ZFPM1: variants seen among roughly 807,000 people sequenced by gnomAD.
ZFPM1 encodes zinc finger protein ZFPM1.
A neutral mutation model predicts 46.3 loss-of-function variants in ZFPM1; 28 were observed. The ratio of observed to expected loss-of-function variants is 0.60; its 90% CI spans 0.45 to 0.83. The LOEUF is 0.83. Among genes scored for constraint, ZFPM1 ranks in the 40% least tolerant of loss-of-function variants. ZFPM1 has a pLI of 0.00. For missense variants in ZFPM1, 1,878 were observed against 1,432.4 expected (o/e 1.31, Z -5.02); for synonymous variants, 957 against 675.9 (o/e 1.42, Z -6.45).
At chr16:88,516,317 G>A (rs926929682) in intron 4 of ZFPM1, 7 of 397,772 alleles carry the variant, frequency 1.8e-5, no homozygotes, top group East Asian at 3.6e-5. Context: ...CTCCCTGTCC[G>A]CCTGCCTCCG....
rs576020909 is a variant in ZFPM1 at position 88,481,556 on chromosome 16, G to T, written c.41-4383G>T. Among the ~76,000 whole-genome samples, 312 of 152,172 alleles carry T rather than the reference G, an allele frequency of 2.1e-3. 3 individuals carry two copies. Among genetic ancestry groups the T allele is most frequent in the Non-Finnish European group, 1.2e-3 (81 of 67,996 alleles). ...CACTGTGGGTATTGGGATGTGGTTG[G>T]CGAGTGGGATTTCCACGATGGCTGC... is the stretch of plus-strand genomic sequence containing the variant. On this transcript the variant is annotated intron_variant, in intron 1 of 9. Coordinates refer to ENST00000319555, the MANE Select transcript of ZFPM1 (RefSeq NM_153813.3).
At chr16:88,532,287 C>T (rs766533785) in intron 7 of ZFPM1, 52 bp downstream of exon 7, 1 of 1,509,588 alleles carries the variant, frequency 6.6e-7, no homozygotes, top group East Asian at 2.3e-5. Flanking sequence ...GCTTCCCCAC[C>T]CAGTCCCGCA....
rs1379621786 is a variant in ZFPM1, at chr16:88,533,865, G to A, written c.1907G>A (p.Arg636His). The A allele has an allele frequency of 2.0e-6, 2 of 985,108 alleles. No homozygotes were observed. The highest frequency in any genetic ancestry group is 1.8e-5 in the African/African-American group (1 of 55,562). 61.0% of individuals were successfully genotyped at this position (985,108 alleles called of 1,614,324 possible). The change falls in exon 10 of 10, where the codon CGC (arginine) becomes CAC (histidine). Residue 636 changes from arginine (R) to histidine (H), a missense_variant. Arg to His is a conservative substitution (Grantham distance 29). Coordinates refer to ENST00000319555, the MANE Select transcript of ZFPM1 (RefSeq NM_153813.3). ...PGQPAEPDAP[R>H]SSPGPGAREE... is the part of the protein sequence containing the mutation. ...CAGCCCGCCGAACCCGACGCGCCGC[G>A]CTCGTCCCCGGGCCCCGGAGCGCGC...
rs114866474 is a variant in ZFPM1, at chr16:88,515,134, A to G, written c.402+614A>G. On this transcript the variant is annotated intron_variant, in intron 4 of 9. Coordinates refer to ENST00000319555, the MANE Select transcript of ZFPM1 (RefSeq NM_153813.3). ...TTCGGTTTCCTCCGAAGAGGGTATAATGGTTTCTTTTAAACCACGTCTCAG... is the reference window on the plus strand; with the variant it reads ...TTCGGTTTCCTCCGAAGAGGGTATAGTGGTTTCTTTTAAACCACGTCTCAG... 6.3e-3 allele frequency among the ~76,000 whole-genome samples: 956 copies of G among 152,350 alleles called. 8 individuals are homozygous for G. Among genetic ancestry groups the G allele is most frequent in the African/African-American group, 0.022 (915 of 41,566 alleles).
intron 3 of ZFPM1, among the ~76,000 whole-genome samples, chr16:88,490,199 G>A (rs905151927): frequency 5.3e-5 from 8 of 152,098 alleles, no homozygotes; most frequent in African/African-American, 1.9e-4. Context: ...GACTACAGGT[G>A]CCTGCCACCA....
intron 1 of ZFPM1, among the ~76,000 whole-genome samples, chr16:88,470,594 GGTGGTGACGCTGA>G (rs1227309357): frequency 8.3e-5 from 2 of 23,992 alleles, no homozygotes; most frequent in African/African-American, 4.2e-4. Flanking sequence ...TGGAGGGCCG[GGTGGTGACGCTGA>G]GTGACAGGTG....
intron 3 of ZFPM1, among the ~76,000 whole-genome samples, chr16:88,509,470 C>T (rs1027354678): frequency 6.6e-6 from 1 of 152,122 alleles, no homozygotes; most frequent in Non-Finnish European, 1.5e-5. Context: ...GAGGCTGGCC[C>T]CTGGAAGGCG....
In ZFPM1 at chr16:88,514,633, G is replaced by A; in HGVS notation, c.402+113G>A. On this transcript the variant is annotated intron_variant, in intron 4 of 9. Transcript: ENST00000319555. The stretch of plus-strand genomic sequence containing the variant: ...TCCGGGGCTCTGGCCACTTGAAGAT[G>A]TGGGCCTGAGATATTGGGACCTGGA... 3 of 1,338,390 alleles carry A rather than the reference G, an allele frequency of 2.2e-6. No homozygotes were observed. In the Admixed American group the frequency reaches 8.1e-5, roughly 36 times the overall value. The allele number at this position is 1,338,390 out of a possible 1,614,324, so 82.9% of individuals were successfully genotyped here. A position where few individuals can be genotyped will look rare whatever the true frequency, so the allele number is the denominator to read the frequency against.
At chr16:88,467,564 C>T (rs899044204) in intron 1 of ZFPM1, among the ~76,000 whole-genome samples, 10 of 152,242 alleles carry the variant, frequency 6.6e-5, no homozygotes, top group East Asian at 5.8e-4. Context: ...GTGTAGACCG[C>T]GAGACCTGCC....
rs770604631 is a variant in ZFPM1 at position 88,532,176 on chromosome 16, A to C, written c.887A>C (p.Gln296Pro). The part of the protein sequence containing the change: ...YPNERVCPFP[Q>P]CRKSCPSASS... ...AACGAGCGCGTCTGCCCCTTCCCCCAGTGCCGCAAGAGCTGCCCCAGCGCC... is the reference window on the plus strand; with the variant it reads ...AACGAGCGCGTCTGCCCCTTCCCCCCGTGCCGCAAGAGCTGCCCCAGCGCC... The change falls in exon 7 of 10, where the codon CAG (glutamine) becomes CCG (proline). Residue 296 changes from glutamine to proline, a missense_variant. Coordinates refer to ENST00000319555, the MANE Select transcript of ZFPM1 (RefSeq NM_153813.3). 1.9e-6 allele frequency: 3 copies of C among 1,611,706 alleles called. No individual in the cohort carries two copies. Among genetic ancestry groups the C allele is most frequent in the Non-Finnish European group, 2.5e-6 (3 of 1,179,154 alleles).
chr16:88,533,480 A>C lies in ZFPM1; in HGVS notation c.1522A>C (p.Thr508Pro), dbSNP rs767664253. 7.1e-7 allele frequency: 1 copy of C among 1,402,284 alleles called. No individual in the cohort carries two copies. Among genetic ancestry groups the C allele is most frequent in the African/African-American group, 1.6e-5 (1 of 64,348 alleles). 86.9% of individuals were successfully genotyped at this position (1,402,284 alleles called of 1,614,324 possible). Reference protein sequence around the residue: ...ARVKAELSSPTPGSSPVPGEL... With the variant: ...ARVKAELSSPPPGSSPVPGEL... ...GGTCAAGGCCGAGCTGTCCAGCCCC[A>C]CGCCGGGCTCCAGCCCGGTGCCCGG... The change falls in exon 10 of 10, where the codon ACG becomes CCG. Residue 508 changes from threonine to proline, a missense_variant. Physicochemically the swap from Thr to Pro is conservative, Grantham distance 38 (BLOSUM62 -1). Coordinates refer to ENST00000319555, the MANE Select transcript of ZFPM1 (RefSeq NM_153813.3).
In ZFPM1 at chr16:88,535,022, G is replaced by T; in HGVS notation, c.*43G>T. 1.5e-6 allele frequency: 2 copies of T among 1,356,296 alleles called. No homozygotes were observed. Among genetic ancestry groups the T allele is most frequent in the Non-Finnish European group, 9.6e-7 (1 of 1,045,844 alleles). 84.0% of individuals were successfully genotyped at this position (1,356,296 alleles called of 1,614,324 possible). ...GCAGACGCTTTGCACGCCCCGCTGCGATGCGGGGAGGGGGCCGCCCCCAGG... is the reference window on the plus strand; with the variant it reads ...GCAGACGCTTTGCACGCCCCGCTGCTATGCGGGGAGGGGGCCGCCCCCAGG... On this transcript the variant is annotated 3_prime_UTR_variant, in exon 10 of 10. Transcript: ENST00000319555.
chr16:88,516,150 C>T (rs1360727173), intron 4 of ZFPM1: 3 of 398,508 alleles, frequency 7.5e-6, no homozygotes, highest in African/African-American at 6.2e-5. Flanking sequence ...AAGTCAATTG[C>T]CCAAATACCC....
rs747832059 is a variant in ZFPM1 at position 88,528,144 on chromosome 16, A to G, written c.618A>G (p.Pro206=). 3.5e-5 allele frequency: 56 copies of G among 1,605,760 alleles called. No individual in the cohort carries two copies. In the Admixed American group the frequency reaches 6.1e-4, roughly 17 times the overall value. ...STPGHPVKKE[P]AEPTCPAPAH... is the part of the protein sequence containing the mutation. ...CCGGCCACCCTGTGAAGAAGGAGCC[A>G]GCAGAGCCCACGTGCCCGGCCCCTG... The change falls in exon 6 of 10, where the codon CCA becomes CCG. Residue 206 remains proline, a synonymous_variant. Transcript: ENST00000319555.
At chr16:88,498,923 G>A (rs1446328218) in intron 3 of ZFPM1, among the ~76,000 whole-genome samples, 1 of 152,180 alleles carries the variant, frequency 6.6e-6, no homozygotes, top group Non-Finnish European at 1.5e-5. Flanking sequence ...CCCAAGCACT[G>A]GCCCCAGGCC....
chr16:88,479,538 G>A (rs538905590), intron 1 of ZFPM1, among the ~76,000 whole-genome samples: 4 of 152,190 alleles, frequency 2.6e-5, no homozygotes, highest in East Asian at 1.9e-4. Context: ...GAGCGGGGCC[G>A]TCCCCGTCTC....
At chr16:88,486,287 A>G (rs1262027968) in intron 2 of ZFPM1, among the ~76,000 whole-genome samples, 3 of 152,158 alleles carry the variant, frequency 2.0e-5, no homozygotes, top group Non-Finnish European at 4.4e-5. Context: ...CCCTCATACA[A>G]ATGAGCAGAC....
rs546236655 is a variant in ZFPM1, at chr16:88,471,782, G to A, written c.41-14157G>A. Among the ~76,000 whole-genome samples, 68 of 152,276 alleles carry A rather than the reference G, an allele frequency of 4.5e-4. No individual in the cohort carries two copies. The highest frequency in any genetic ancestry group is 3.2e-3 in the Middle Eastern group (1 of 316). The stretch of plus-strand genomic sequence containing the variant: ...GGATCTGCCACAGACACCTGAGCCT[G>A]TGACTAAGACTAAGGCTGTGTGTCC... On this transcript the variant is annotated intron_variant, in intron 1 of 9. Coordinates refer to ENST00000319555, the MANE Select transcript of ZFPM1 (RefSeq NM_153813.3). The surrounding 1 kb of genome is among the most constrained non-coding windows in gnomAD (Gnocchi z 4.1).
chr16:88,488,439 G>A (rs892004727), intron 2 of ZFPM1, among the ~76,000 whole-genome samples: 9 of 152,390 alleles, frequency 5.9e-5, no homozygotes, highest in Non-Finnish European at 1.2e-4. Flanking sequence ...GCTCCCTCGC[G>A]GTGGCTGGAG....
Sources: allele counts gnomAD v4.1 joint callset (sites outside exome capture counted in the v4.1 genomes callset), GRCh38; gene constraint gnomAD v4.1.1; non-coding constraint Gnocchi (gnomAD v3.1); transcripts MANE v1.5; gene names NCBI Gene and HGNC (gene_info 2026-07-23, HGNC 2026-07-21).